The following ABTB3 variants were observed in gnomAD, a reference collection of about 807,000 sequenced individuals.
ABTB3 encodes ankyrin repeat- and BTB/POZ domain-containing protein 3.
the ABTB3 span, among the ~76,000 whole-genome samples, chr12:107,464,056 C>G: frequency 6.6e-6 from 1 of 152,200 alleles, no homozygotes; most frequent in Non-Finnish European, 1.5e-5. Context: ...CCAGATGAGC[C>G]AGGTTTAGGG....
chr12:107,525,306 G>A, the ABTB3 span, among the ~76,000 whole-genome samples: 7 of 89,586 alleles, frequency 7.8e-5, no homozygotes, highest in South Asian at 3.8e-4. Context: ...CAGCCTAGGC[G>A]ACAGAGCAAG....
chr12:107,619,997 A>G, the ABTB3 span: 1 of 1,612,684 alleles, frequency 6.2e-7, no homozygotes, highest in East Asian at 2.2e-5. Context: ...CGTCCCGTGG[A>G]CTCTGCACAC....
the ABTB3 span, among the ~76,000 whole-genome samples, chr12:107,616,132 G>A: frequency 6.6e-6 from 1 of 152,136 alleles, no homozygotes; most frequent in African/African-American, 2.4e-5. Context: ...GTCCACTCCT[G>A]GTAGAGGAAA....
At chr12:107,579,932 A>G in the ABTB3 span, among the ~76,000 whole-genome samples, 1 of 152,246 alleles carries the variant, frequency 6.6e-6, no homozygotes, top group Non-Finnish European at 1.5e-5. Flanking sequence ...GCCTATCAGA[A>G]TTATCTTCTT....
chr12:107,614,924 C>T, the ABTB3 span: 4 of 673,380 alleles, frequency 5.9e-6, no homozygotes, highest in African/African-American at 7.2e-5. Flanking sequence ...CCCTGTATCA[C>T]CAGCTCTTCC....
the ABTB3 span, among the ~76,000 whole-genome samples, chr12:107,540,894 G>A: frequency 6.6e-6 from 1 of 152,148 alleles, no homozygotes; most frequent in African/African-American, 2.4e-5. Flanking sequence ...CCAGCTACTT[G>A]GGAGGCTTAA....
the ABTB3 span, among the ~76,000 whole-genome samples, chr12:107,469,990 T>TCTCTCTCTCTCTCTC: frequency 1.5e-5 from 1 of 64,988 alleles, no homozygotes; most frequent in African/African-American, 1.1e-4. Context: ...CTTTCTTTCT[T>TCTCTCTCTCTCTCTC]TCTTTCTTTC....
At chr12:107,460,765 T>TG in the ABTB3 span, among the ~76,000 whole-genome samples, 1 of 152,160 alleles carries the variant, frequency 6.6e-6, no homozygotes, top group Non-Finnish European at 1.5e-5. Context: ...ATCAGGGGGC[T>TG]GGGGGTTGTG....
At chr12:107,482,094 G>T in the ABTB3 span, among the ~76,000 whole-genome samples, 1 of 152,016 alleles carries the variant, frequency 6.6e-6, no homozygotes, top group African/African-American at 2.4e-5. Context: ...AGTGGAGAGG[G>T]GTGGTCCTCC....
the ABTB3 span, among the ~76,000 whole-genome samples, chr12:107,468,260 G>T: frequency 6.6e-6 from 1 of 152,218 alleles, no homozygotes; most frequent in Non-Finnish European, 1.5e-5. Context: ...GTGAGCTGGA[G>T]CCAGCCGGCT....
the ABTB3 span, among the ~76,000 whole-genome samples, chr12:107,385,102 C>T: frequency 3.3e-5 from 5 of 152,186 alleles, no homozygotes; most frequent in East Asian, 1.9e-4. Flanking sequence ...AAAATAAGCC[C>T]GATCTAGCTT....
At chr12:107,365,191 G>A in the ABTB3 span, among the ~76,000 whole-genome samples, 1 of 152,190 alleles carries the variant, frequency 6.6e-6, no homozygotes, top group East Asian at 1.9e-4. Flanking sequence ...TCACAGGGTT[G>A]CTGTGATAAT....
the ABTB3 span, among the ~76,000 whole-genome samples, chr12:107,509,694 C>T: frequency 3.9e-5 from 6 of 152,190 alleles, no homozygotes; most frequent in Non-Finnish European, 8.8e-5. Context: ...GATGCTTTTC[C>T]GAATTGGAGT....
At chr12:107,320,089 C>G in the ABTB3 span, 6 of 1,434,762 alleles carry the variant, frequency 4.2e-6, no homozygotes, top group Non-Finnish European at 4.6e-6. Flanking sequence ...AGTGTCTGCG[C>G]GGGTGCCACT....
chr12:107,654,553 C>T, the ABTB3 span, among the ~76,000 whole-genome samples: 1 of 152,144 alleles, frequency 6.6e-6, no homozygotes, highest in African/African-American at 2.4e-5. Flanking sequence ...CCAGCCTCAG[C>T]CTCCCAAAGT....
the ABTB3 span, among the ~76,000 whole-genome samples, chr12:107,369,983 G>A: frequency 1.2e-4 from 19 of 152,142 alleles, no homozygotes; most frequent in African/African-American, 4.3e-4. Context: ...ACCTCTCTGA[G>A]CCTCCGTTTC....
At chr12:107,417,393 T>G in the ABTB3 span, among the ~76,000 whole-genome samples, 1 of 152,314 alleles carries the variant, frequency 6.6e-6, no homozygotes, top group African/African-American at 2.4e-5. Flanking sequence ...CTCTCTCTGT[T>G]TCTCATCTGC....
At chr12:107,567,477 C>G in the ABTB3 span, among the ~76,000 whole-genome samples, 27 of 152,184 alleles carry the variant, frequency 1.8e-4, no homozygotes, top group Non-Finnish European at 5.9e-5. Flanking sequence ...CAAATACTTC[C>G]CATTGTGTTA....
the ABTB3 span, among the ~76,000 whole-genome samples, chr12:107,473,852 A>G: frequency 1.4e-5 from 2 of 146,510 alleles, no homozygotes; most frequent in South Asian, 4.3e-4. Flanking sequence ...CTCAGGCTGG[A>G]GTGCAGTGGC....
Sources: allele counts gnomAD v4.1 joint callset (sites outside exome capture counted in the v4.1 genomes callset), GRCh38; gene constraint gnomAD v4.1.1; transcripts MANE v1.5; gene names NCBI Gene and HGNC (gene_info 2026-07-23, HGNC 2026-07-21).